FAM222B: variants seen among roughly 807,000 people sequenced by gnomAD.
The protein encoded by FAM222B is family with sequence similarity 222 member B.
A neutral mutation model predicts 38.0 loss-of-function variants in FAM222B; 12 were observed. That is an observed-to-expected ratio of 0.32 (90% CI 0.20 to 0.51). The LOEUF (loss-of-function observed/expected upper bound fraction) is 0.51. Ranked by LOEUF, FAM222B falls within the 20% of genes least tolerant of loss-of-function variation. The pLI is 0.97. For synonymous variants in FAM222B, 329 were observed against 317.2 expected (o/e 1.04, Z -0.40); for missense variants, 716 against 754.2 (o/e 0.95, Z 0.59).
intron 1 of FAM222B, among the ~76,000 whole-genome samples, chr17:28,778,713 A>T (rs1226261072): frequency 1.1e-3 from 73 of 68,966 alleles, no homozygotes; most frequent in South Asian, 1.4e-3. Context: ...ATATATATAT[A>T]TATATATTTT....
upstream of FAM222B, among the ~76,000 whole-genome samples, chr17:28,846,781 C>T (rs970711810): frequency 1.3e-5 from 2 of 151,906 alleles, no homozygotes; most frequent in African/African-American, 2.4e-5. Flanking sequence ...TTCAACCATC[C>T]GAAGAACAAA....
At chr17:28,798,453 T>C (rs1305087939) in intron 1 of FAM222B, among the ~76,000 whole-genome samples, 4 of 152,130 alleles carry the variant, frequency 2.6e-5, no homozygotes, top group Non-Finnish European at 5.9e-5. Flanking sequence ...AGGGTAATAA[T>C]TTTAAACAGC....
At chr17:28,840,167 A>C (rs2152629244) in intron 1 of FAM222B, among the ~76,000 whole-genome samples, 1 of 151,542 alleles carries the variant, frequency 6.6e-6, no homozygotes. Context: ...CCTGGTTCGA[A>C]ACCAGCCTGA....
intron 1 of FAM222B, among the ~76,000 whole-genome samples, chr17:28,825,652 T>C (rs9914257): frequency 0.022 from 3,287 of 152,256 alleles, 108 homozygotes; most frequent in African/African-American, 0.075. Flanking sequence ...CTGATCTTCA[T>C]ATACTCCTAG....
chr17:28,815,048 C>T (rs2037964036), intron 1 of FAM222B, among the ~76,000 whole-genome samples: 1 of 152,074 alleles, frequency 6.6e-6, no homozygotes, highest in South Asian at 2.1e-4. Flanking sequence ...GCTGGGATTA[C>T]AGGCATGAGC....
intron 1 of FAM222B, among the ~76,000 whole-genome samples, chr17:28,838,927 G>A (rs956755788): frequency 4.0e-5 from 6 of 151,520 alleles, no homozygotes; most frequent in Admixed American, 6.6e-5. Context: ...AAATAAGGCC[G>A]GGCATGGTGG....
At chr17:28,814,770 CTT>C (rs35921944) in intron 1 of FAM222B, among the ~76,000 whole-genome samples, 63 of 117,558 alleles carry the variant, frequency 5.4e-4, no homozygotes, top group African/African-American at 1.1e-3. Context: ...CCAGGCCGAT[CTT>C]TTTTTTTTTT....
At chr17:28,806,249 T>C (rs2037493188) in intron 1 of FAM222B, among the ~76,000 whole-genome samples, 1 of 152,192 alleles carries the variant, frequency 6.6e-6, no homozygotes, top group Non-Finnish European at 1.5e-5. Context: ...AATAACAGAC[T>C]TTTCAAAGAT....
intron 1 of FAM222B, among the ~76,000 whole-genome samples, chr17:28,808,085 T>C (rs2037575762): frequency 6.6e-6 from 1 of 152,236 alleles, no homozygotes; most frequent in Non-Finnish European, 1.5e-5. Flanking sequence ...GAAGATTCAT[T>C]ATTTATGCCC....
At chr17:28,764,809 T>C (rs2035254047) in intron 2 of FAM222B, among the ~76,000 whole-genome samples, 1 of 152,078 alleles carries the variant, frequency 6.6e-6, no homozygotes, top group Admixed American at 6.6e-5. Context: ...AGCTGCCAAT[T>C]TGCCCGTCCT....
chr17:28,815,929 T>G (rs539428339), intron 1 of FAM222B, among the ~76,000 whole-genome samples: 1 of 148,684 alleles, frequency 6.7e-6, no homozygotes, highest in East Asian at 2.0e-4. Context: ...ATCGTGCCAC[T>G]GCACTCCAGC....
In FAM222B at chr17:28,758,995, A is replaced by C. The variant is rs2034891468; in HGVS notation, c.964T>G (p.Cys322Gly). The C allele has an allele frequency of 6.2e-7, 1 of 1,612,692 alleles. No individual in the cohort carries two copies. The highest frequency in any genetic ancestry group is 1.7e-5 in the Admixed American group (1 of 59,758). The change falls in exon 3 of 3, where the codon TGT (cysteine) becomes GGT (glycine). Residue 322 changes from cysteine to glycine, a missense_variant. By Grantham distance (159) the Cys-to-Gly change is radical. Coordinates refer to ENST00000581407, the MANE Select transcript of FAM222B (RefSeq NM_001077498.3). ...GTGTGCTCCATGGGATTGACCACACATGAAGGCATTGGTGTGGGGACGCTG... is the reference window on the plus strand; with the variant it reads ...GTGTGCTCCATGGGATTGACCACACCTGAAGGCATTGGTGTGGGGACGCTG... ...THSVPTPMPS[C>G]VVNPMEHTHA...
chr17:28,822,832 A>AAAAATATAT (rs1567887716), intron 1 of FAM222B, among the ~76,000 whole-genome samples: 1 of 42,804 alleles, frequency 2.3e-5, no homozygotes, highest in Non-Finnish European at 3.8e-5. Context: ...AAAAAAAAAA[A>AAAAATATAT]ATATATATAT....
At position 28,776,611 on chromosome 17, in the gene FAM222B, C is replaced by G. The variant is rs186288226; in HGVS notation, c.-40-9904G>C. On this transcript the variant is annotated intron_variant, in intron 1 of 2. Transcript: ENST00000581407. ...AGCTGGGACCAGGGGCATGCCACCA[C>G]CTGGTTAATTTTTAAAAATTTTTTT... Among the ~76,000 whole-genome samples the G allele has an allele frequency of 1.3e-4, 20 of 151,512 alleles. No individual in the cohort carries two copies. The East Asian group carries it at 3.9e-3, about 30-fold the overall frequency.
upstream of FAM222B, among the ~76,000 whole-genome samples, chr17:28,843,977 A>G (rs1252839445): frequency 6.6e-6 from 1 of 152,184 alleles, no homozygotes; most frequent in Non-Finnish European, 1.5e-5. Context: ...CATCGCGTGT[A>G]TGCTATTGAG....
In FAM222B at chr17:28,842,106, G is replaced by A. The variant is rs146367688; in HGVS notation, c.-41+576C>T. Among the ~76,000 whole-genome samples the A allele has an allele frequency of 3.2e-3, 491 of 152,294 alleles. 3 individuals are homozygous for A. The highest frequency in any genetic ancestry group is 6.2e-3 in the Admixed American group (95 of 15,290). ...TGATGCTTGCAATAGCCCGTTTGAA[G>A]CATGACATCTTCCTGGTGTTCAGAA... On this transcript the variant is annotated intron_variant, in intron 1 of 2. Transcript: ENST00000581407.
At chr17:28,779,189 C>T (rs1275293478) in intron 1 of FAM222B, among the ~76,000 whole-genome samples, 2 of 152,036 alleles carry the variant, frequency 1.3e-5, no homozygotes, top group African/African-American at 2.4e-5. Flanking sequence ...CATTTTACGA[C>T]GTCGGCATTA....
At chr17:28,815,946 AAC>A (rs2038006466) in intron 1 of FAM222B, among the ~76,000 whole-genome samples, 1 of 137,214 alleles carries the variant, frequency 7.3e-6, no homozygotes, top group African/African-American at 2.7e-5. Flanking sequence ...CAGCCTGGGC[AAC>A]AGAGCGAGAC....
chr17:28,801,378 C>T (rs948793079), intron 1 of FAM222B, among the ~76,000 whole-genome samples: 6 of 141,892 alleles, frequency 4.2e-5, no homozygotes, highest in African/African-American at 1.3e-4. Flanking sequence ...GTGTGAACCC[C>T]GGGGGGCGGA....
Sources: allele counts gnomAD v4.1 joint callset (sites outside exome capture counted in the v4.1 genomes callset), GRCh38; gene constraint gnomAD v4.1.1; transcripts MANE v1.5; gene names NCBI Gene and HGNC (gene_info 2026-07-23, HGNC 2026-07-21).